UGT2B4: variants seen among roughly 807,000 people sequenced by gnomAD.
The protein encoded by UGT2B4 is UDP glucuronosyltransferase family 2 member B4.
A neutral mutation model predicts 49.8 loss-of-function variants in UGT2B4; 49 were observed. That is an observed-to-expected ratio of 0.98 (90% confidence interval 0.78 to 1.25). The LOEUF is 1.25. Ranked by LOEUF, UGT2B4 falls within the 50% of genes most tolerant of loss-of-function variation. UGT2B4 has a pLI of 0.00. For synonymous variants in UGT2B4, 246 were observed against 217.7 expected, an observed-to-expected ratio of 1.13 and a Z score of -1.14; for missense variants, 729 against 627.7, an observed-to-expected ratio of 1.16 and a Z score of -1.73.
intron 3 of UGT2B4, among the ~76,000 whole-genome samples, chr4:69,487,268 G>A (rs1226716294): frequency 6.6e-6 from 1 of 152,106 alleles, no homozygotes; most frequent in Non-Finnish European, 1.5e-5. Context: ...ACATGCACAT[G>A]TATGTTTACT....
At chr4:69,520,110 A>G (rs2109833828) in intron 1 of UGT2B4, among the ~76,000 whole-genome samples, 1 of 152,310 alleles carries the variant, frequency 6.6e-6, no homozygotes, top group South Asian at 2.1e-4. Flanking sequence ...TTAAATTAGA[A>G]AACACTTGAA....
At chr4:69,503,759 A>G (rs1019339843) in intron 1 of UGT2B4, among the ~76,000 whole-genome samples, 1 of 151,830 alleles carries the variant, frequency 6.6e-6, no homozygotes, top group Non-Finnish European at 1.5e-5. Context: ...GGGGCCTTCC[A>G]CTCCTCCTCC....
At chr4:69,486,395 TACTCTG>T (rs1040295211) in intron 4 of UGT2B4, among the ~76,000 whole-genome samples, 6 of 152,150 alleles carry the variant, frequency 3.9e-5, no homozygotes, top group Non-Finnish European at 5.9e-5. Flanking sequence ...GAAATAAAGA[TACTCTG>T]ACTCTGATTG....
At chr4:69,499,197 T>G (rs1459891569), upstream of UGT2B4, among the ~76,000 whole-genome samples, 1 of 152,204 alleles carries the variant, frequency 6.6e-6, no homozygotes, top group African/African-American at 2.4e-5. Context: ...TAATCTTAGG[T>G]TCCGATTTGA....
Position 69,480,690 on chromosome 4 carries a change from A to ATT in UGT2B4, c.1529_1530dup (p.Cys511AsnfsTer23). 1 of 1,614,042 alleles carries ATT rather than the reference A, an allele frequency of 6.2e-7. No individual in the cohort carries two copies. The highest frequency in any genetic ancestry group is 8.5e-7 in the Non-Finnish European group (1 of 1,179,972). ...ACAAACTTCCAGACACAAAACAGACATTTTGTGATGATGAATATCACAGTT... is the reference window on the plus strand; with the variant it reads ...ACAAACTTCCAGACACAAAACAGACATTTTTTGTGATGATGAATATCACAGTT... On this transcript the variant is annotated frameshift_variant, in exon 6 of 6. Coordinates refer to ENST00000305107, the MANE Select transcript of UGT2B4 (RefSeq NM_021139.3). LOFTEE classifies it high-confidence loss of function.
chr4:69,519,432 G>A (rs537999707), intron 1 of UGT2B4, among the ~76,000 whole-genome samples: 2 of 152,154 alleles, frequency 1.3e-5, no homozygotes, highest in South Asian at 4.2e-4. Context: ...AAAACTCAGG[G>A]TTAGGCAAAA....
At chr4:69,485,083 A>T (rs1231789289) in intron 5 of UGT2B4, 125 bp downstream of exon 5, 5 of 1,193,662 alleles carry the variant, frequency 4.2e-6, no homozygotes, top group Non-Finnish European at 5.9e-6. Flanking sequence ...AGCAGATTTC[A>T]GATTGTTTAA....
chr4:69,508,466 G>A (rs1728527644), intron 1 of UGT2B4, among the ~76,000 whole-genome samples: 1 of 152,178 alleles, frequency 6.6e-6, no homozygotes, highest in Non-Finnish European at 1.5e-5. Flanking sequence ...GCTCATCAGT[G>A]ATAGACTGGA....
chr4:69,508,750 G>C (rs1415004665), intron 1 of UGT2B4, among the ~76,000 whole-genome samples: 3 of 152,048 alleles, frequency 2.0e-5, no homozygotes, highest in African/African-American at 7.2e-5. Context: ...AATAACTACA[G>C]GGCACTAGGC....
At chr4:69,498,946 G>C (rs1728232833), upstream of UGT2B4, among the ~76,000 whole-genome samples, 1 of 151,968 alleles carries the variant, frequency 6.6e-6, no homozygotes, top group African/African-American at 2.4e-5. Context: ...AGTTCTTTTA[G>C]TTGCGATATA....
chr4:69,524,253 A>G (rs1393308860), intron 1 of UGT2B4, among the ~76,000 whole-genome samples: 4 of 152,160 alleles, frequency 2.6e-5, no homozygotes, highest in Non-Finnish European at 5.9e-5. Flanking sequence ...AGCTTTCAAC[A>G]TGCCTTCCTC....
chr4:69,499,732 C>T (rs1728253672), upstream of UGT2B4, among the ~76,000 whole-genome samples: 1 of 152,056 alleles, frequency 6.6e-6, no homozygotes, highest in Non-Finnish European at 1.5e-5. Flanking sequence ...TCTTCCATCC[C>T]TTTATTTTGA....
In UGT2B4 at chr4:69,502,126, T is replaced by TTTCTTTCTTTCTTTC. The variant is rs1553896685; in HGVS notation, c.-105-6175_-105-6161dup. ...CTTTCTTTCTTTCTTTCTTTCTTTC[T>TTTCTTTCTTTCTTTC]TTCTTTCTTTCTTTCTTTCTTTCTC... On this transcript the variant is annotated intron_variant, in intron 1 of 1. Transcript: ENST00000510114. 1.2e-3 allele frequency among the ~76,000 whole-genome samples: 171 copies of TTTCTTTCTTTCTTTC among 143,550 alleles called. 2 individuals carry two copies. Among genetic ancestry groups the TTTCTTTCTTTCTTTC allele is most frequent in the African/African-American group, 3.6e-3 (136 of 37,444 alleles). 94.2% of individuals were successfully genotyped at this position (143,550 alleles called of 152,430 possible).
chr4:69,500,481 AAAGAAAGAAAGC>A (rs1278757443), upstream of UGT2B4, among the ~76,000 whole-genome samples: 1 of 149,024 alleles, frequency 6.7e-6, no homozygotes, highest in Non-Finnish European at 1.5e-5. Flanking sequence ...GAAAGGAAGA[AAAGAAAGAAAGC>A]AAGAAAGAAA....
rs1451907382 is a variant in UGT2B4, at chr4:69,489,490, T to C, written c.951A>G (p.Ser317=). The change falls in exon 3 of 6, where the codon TCA becomes TCG. Residue 317 remains serine (S), a synonymous_variant. Coordinates refer to ENST00000305107, the MANE Select transcript of UGT2B4 (RefSeq NM_021139.3). ...FSLGSMVSNT[S]EERANVIASA... is the part of the protein sequence containing the mutation. ...ATGCAATTACATTGGCCCTTTCTTC[T>C]GACGTGTTACTGACCATCGACCCCA... 16 of 1,612,122 alleles carry C rather than the reference T, an allele frequency of 9.9e-6. No individual in the cohort carries two copies. Among genetic ancestry groups the C allele is most frequent in the Non-Finnish European group, 1.4e-5 (16 of 1,178,746 alleles).
At chr4:69,493,920 A>G (rs1194806313) in intron 1 of UGT2B4, 79 bp from the exon 2 acceptor site, 2 of 1,497,188 alleles carry the variant, frequency 1.3e-6, no homozygotes, top group African/African-American at 1.4e-5. Context: ...AGTTAGAATA[A>G]TGTGGGCAAA....
At chr4:69,514,587 G>A (rs2109830143) in intron 1 of UGT2B4, among the ~76,000 whole-genome samples, 1 of 152,274 alleles carries the variant, frequency 6.6e-6, no homozygotes, top group South Asian at 2.1e-4. Context: ...TATGATGTTG[G>A]CTGTGGGTTT....
In UGT2B4 at chr4:69,509,170, A is replaced by ATTTTTTT. The variant is rs3075675; in HGVS notation, c.-105-13211_-105-13205dup. Among the ~76,000 whole-genome samples, 549 of 119,692 alleles carry ATTTTTTT rather than the reference A, an allele frequency of 4.6e-3. 22 individuals are homozygous for ATTTTTTT. Among genetic ancestry groups the ATTTTTTT allele is most frequent in the African/African-American group, 0.01 (327 of 31,452 alleles). The allele number at this position is 119,692 out of a possible 152,430, so 78.5% of individuals were successfully genotyped here. On this transcript the variant is annotated intron_variant, in intron 1 of 1. Coordinates refer to the UGT2B4 transcript ENST00000510114. ...GATTGTTAGATCATATGGAATTTCT[A>ATTTTTTT]TTTTTTTTTTTTTTTTTTGAGACAG...
chr4:69,486,249 A>G (rs1015466610), intron 4 of UGT2B4, among the ~76,000 whole-genome samples: 3 of 152,188 alleles, frequency 2.0e-5, no homozygotes, highest in African/African-American at 7.2e-5. Flanking sequence ...TGGTGATAGC[A>G]GAAGAGCTGT....
Sources: allele counts gnomAD v4.1 joint callset (sites outside exome capture counted in the v4.1 genomes callset), GRCh38; gene constraint gnomAD v4.1.1; transcripts MANE v1.5; gene names NCBI Gene and HGNC (gene_info 2026-07-23, HGNC 2026-07-21).